Variants in SDK1 observed in about 807,000 individuals in gnomAD.
SDK1 encodes protein sidekick-1.
SDK1 carries 157 observed loss-of-function variants against 245.5 expected under a neutral mutation model. That is an observed-to-expected ratio of 0.64 (90% CI 0.56 to 0.73). SDK1 has a LOEUF of 0.73. Among genes scored for constraint, SDK1 ranks in the 30% least tolerant of loss-of-function variants. The pLI, the probability that SDK1 is intolerant of heterozygous loss-of-function variation, is 0.00. For missense variants in SDK1, 3,583 were observed against 3,002.3 expected, an observed-to-expected ratio of 1.19 and a Z score of -4.52; for synonymous variants, 1,647 against 1,278.5, an observed-to-expected ratio of 1.29 and a Z score of -6.15.
intron 4 of SDK1, among the ~76,000 whole-genome samples, chr7:3,647,110 G>A (rs1161648129): frequency 2.0e-5 from 3 of 152,176 alleles, no homozygotes; most frequent in African/African-American, 7.2e-5. Flanking sequence ...CTTAGGCCAC[G>A]GATGGTGGCT....
intron 12 of SDK1, among the ~76,000 whole-genome samples, chr7:3,972,079 C>G (rs1343033800): frequency 8.1e-6 from 1 of 123,348 alleles, no homozygotes; most frequent in Non-Finnish European, 1.6e-5. Flanking sequence ...TGAGGGTTCT[C>G]TTTTTTTTTT....
chr7:4,223,854 C>T (rs1785269079), intron 40 of SDK1, among the ~76,000 whole-genome samples: 1 of 152,184 alleles, frequency 6.6e-6, no homozygotes, highest in African/African-American at 2.4e-5. Flanking sequence ...CGTATGACTT[C>T]CCCGCCATTG....
chr7:3,544,784 G>A (rs905539386), intron 1 of SDK1, among the ~76,000 whole-genome samples: 15 of 152,164 alleles, frequency 9.9e-5, no homozygotes, highest in African/African-American at 3.6e-4. Context: ...GTGGCTTAAA[G>A]CAAGTTTATT....
intron 5 of SDK1, among the ~76,000 whole-genome samples, chr7:3,913,970 T>A (rs1338102953): frequency 6.6e-6 from 1 of 152,176 alleles, no homozygotes; most frequent in Non-Finnish European, 1.5e-5. Flanking sequence ...TGCTATACCA[T>A]ACTCCCTTCC....
At chr7:3,997,272 G>A (rs1426046905) in intron 14 of SDK1, among the ~76,000 whole-genome samples, 1 of 152,192 alleles carries the variant, frequency 6.6e-6, no homozygotes, top group Non-Finnish European at 1.5e-5. Flanking sequence ...CAAATGGAGG[G>A]TGAGGAAGAT....
chr7:4,205,106 G>A (rs974749250), intron 35 of SDK1, among the ~76,000 whole-genome samples: 2 of 151,732 alleles, frequency 1.3e-5, no homozygotes. Context: ...CTCCTCCCCA[G>A]GGGGAGCGAG....
At chr7:3,850,783 T>A (rs1780399511) in intron 5 of SDK1, among the ~76,000 whole-genome samples, 1 of 145,676 alleles carries the variant, frequency 6.9e-6, no homozygotes. Context: ...CCGCATGTTC[T>A]CACTCATAGG....
At chr7:4,081,240 G>A (rs1781037789) in intron 22 of SDK1, among the ~76,000 whole-genome samples, 1 of 152,150 alleles carries the variant, frequency 6.6e-6, no homozygotes, top group South Asian at 2.1e-4. Context: ...AGTGGATGAC[G>A]CTCCTTTGGC....
chr7:3,759,757 A>G (rs1221681412), intron 4 of SDK1, among the ~76,000 whole-genome samples: 2 of 151,718 alleles, frequency 1.3e-5, no homozygotes, highest in Non-Finnish European at 2.9e-5. Context: ...ATGCCTGGCT[A>G]ATTTTTTGTA....
At chr7:3,818,038 C>T (rs1275434673) in intron 4 of SDK1, among the ~76,000 whole-genome samples, 1 of 152,206 alleles carries the variant, frequency 6.6e-6, no homozygotes, top group East Asian at 1.9e-4. Flanking sequence ...AGTGTCTTCT[C>T]CCGAGCGGCA....
intron 4 of SDK1, among the ~76,000 whole-genome samples, chr7:3,820,527 T>G (rs1779619023): frequency 6.6e-6 from 1 of 152,246 alleles, no homozygotes; most frequent in Non-Finnish European, 1.5e-5. Context: ...AAGTGAAGGA[T>G]CCCATAAAAC....
At chr7:3,323,390 T>C (rs1284736207) in intron 1 of SDK1, among the ~76,000 whole-genome samples, 2 of 152,240 alleles carry the variant, frequency 1.3e-5, no homozygotes, top group African/African-American at 4.8e-5. Flanking sequence ...CAGAGCTTGC[T>C]GTAAAAGATA....
chr7:3,854,254 G>T (rs958437975), intron 5 of SDK1, among the ~76,000 whole-genome samples: 1 of 152,144 alleles, frequency 6.6e-6, no homozygotes, highest in Non-Finnish European at 1.5e-5. Flanking sequence ...TCTCAACTCT[G>T]TTCCTTCCTA....
At chr7:4,137,689 G>A (rs556406926) in intron 28 of SDK1, among the ~76,000 whole-genome samples, 4 of 152,148 alleles carry the variant, frequency 2.6e-5, no homozygotes, top group Admixed American at 6.5e-5. Context: ...AGGGCTCCTC[G>A]TAAGCCGCAT....
rs1349062240 is a variant in SDK1, at chr7:3,619,150, T to C, written c.369T>C (p.Val123=). The C allele has an allele frequency of 2.5e-6, 4 of 1,613,998 alleles. No individual in the cohort carries two copies. Among genetic ancestry groups the C allele is most frequent in the East Asian group, 2.2e-5 (1 of 44,892 alleles). ...PQIHLEGNRL[V]LTCLAEGSWP... Reference sequence around the variant, plus strand: ...TCCACCTGGAAGGGAACCGCCTTGTTCTCACCTGCCTTGCCGAAGGGAGCT... The same window carrying C: ...TCCACCTGGAAGGGAACCGCCTTGTCCTCACCTGCCTTGCCGAAGGGAGCT... The change falls in exon 2 of 45, where the codon GTT becomes GTC. Residue 123 remains valine (V), a synonymous_variant. Coordinates refer to ENST00000404826, the MANE Select transcript of SDK1 (RefSeq NM_152744.4).
chr7:4,095,189 C>T (rs1010164169), intron 22 of SDK1, among the ~76,000 whole-genome samples: 5 of 148,198 alleles, frequency 3.4e-5, no homozygotes, highest in African/African-American at 1.2e-4. Flanking sequence ...TCAGCTCCCC[C>T]ACATCTGAGC....
In SDK1 at chr7:3,616,216, A is replaced by T. The variant is rs374281357; in HGVS notation, c.299-2864A>T. Among the ~76,000 whole-genome samples, 3 of 152,282 alleles carry T rather than the reference A, an allele frequency of 2.0e-5. No homozygotes were observed. In the South Asian group the frequency reaches 6.2e-4, roughly 32 times the overall value. ...TTTGTAGTAAGAGCTAATCATCATC[A>T]TCATCATCATTATCATATTGACAGT... On this transcript the variant is annotated intron_variant, in intron 1 of 44. Transcript: ENST00000404826.
At chr7:3,682,870 C>G (rs1379829601) in intron 4 of SDK1, among the ~76,000 whole-genome samples, 7 of 152,052 alleles carry the variant, frequency 4.6e-5, no homozygotes, top group Non-Finnish European at 1.0e-4. Flanking sequence ...TCCTGAGTAG[C>G]TGGGACTACA....
intron 35 of SDK1, among the ~76,000 whole-genome samples, chr7:4,198,364 C>T (rs1356161310): frequency 1.3e-5 from 2 of 152,208 alleles, no homozygotes; most frequent in Non-Finnish European, 2.9e-5. Context: ...GGCTGGGACA[C>T]CTGGGCCAGG....
Sources: gnomAD v4.1 joint callset for allele counts (sites outside exome capture counted in the v4.1 genomes callset) on GRCh38, gnomAD v4.1.1 for gene constraint, MANE v1.5 for transcripts, NCBI Gene and HGNC (gene_info 2026-07-23, HGNC 2026-07-21) for gene names.